TEAD4: variants seen among roughly 807,000 people sequenced by gnomAD.
TEAD4 encodes transcriptional enhancer factor TEF-3.
Under a neutral mutation model 52.4 loss-of-function variants are expected in TEAD4, and 36 were observed. The ratio of observed to expected loss-of-function variants is 0.69; its 90% CI spans 0.53 to 0.91. The LOEUF (loss-of-function observed/expected upper bound fraction) is 0.91, where lower values mean the gene tolerates loss of function less well. TEAD4 is among the 40% of genes least tolerant of loss of function. TEAD4 has a pLI of 0.00. For missense variants in TEAD4, 508 were observed against 583.9 expected (o/e 0.87, Z 1.34); for synonymous variants, 220 against 231.0 (o/e 0.95, Z 0.43).
chr12:2,967,096 C>T (rs539251740), intron 2 of TEAD4, among the ~76,000 whole-genome samples: 26 of 152,140 alleles, frequency 1.7e-4, no homozygotes, highest in African/African-American at 6.0e-4. Flanking sequence ...GGAATGCTGC[C>T]ATTAAGTAGA....
chr12:2,964,516 G>A (rs1846237363), intron 2 of TEAD4, among the ~76,000 whole-genome samples: 1 of 150,728 alleles, frequency 6.6e-6, no homozygotes, highest in South Asian at 2.1e-4. Flanking sequence ...GGAGTGCAGT[G>A]CTGCAATCTT....
chr12:2,971,382 G>T (rs2098224838), intron 2 of TEAD4, among the ~76,000 whole-genome samples: 1 of 152,140 alleles, frequency 6.6e-6, no homozygotes, highest in Non-Finnish European at 1.5e-5. Context: ...GAGAAAATGT[G>T]ATTTGAGGGC....
intron 10 of TEAD4, among the ~76,000 whole-genome samples, chr12:3,029,442 G>A (rs1220093447): frequency 1.3e-5 from 2 of 152,010 alleles, no homozygotes; most frequent in African/African-American, 4.8e-5. Context: ...GTTTCACTGT[G>A]TTAGCCAGGA....
At chr12:2,986,604 C>T (rs1284081413) in intron 2 of TEAD4, among the ~76,000 whole-genome samples, 6 of 150,930 alleles carry the variant, frequency 4.0e-5, no homozygotes, top group Non-Finnish European at 2.9e-5. Flanking sequence ...TGCACCACTG[C>T]ACTCCAGCCT....
chr12:2,980,427 G>T (rs2098233175), intron 2 of TEAD4, among the ~76,000 whole-genome samples: 1 of 152,082 alleles, frequency 6.6e-6, no homozygotes, highest in African/African-American at 2.4e-5. Flanking sequence ...CCTTCCTATT[G>T]TCAACAGAAG....
intron 10 of TEAD4, among the ~76,000 whole-genome samples, chr12:3,037,244 C>T (rs1461390587): frequency 6.6e-6 from 1 of 152,120 alleles, no homozygotes; most frequent in Non-Finnish European, 1.5e-5. Flanking sequence ...CTCAATGAGA[C>T]GGTGAAGTGA....
chr12:3,035,406 C>T (rs149084558), intron 10 of TEAD4, among the ~76,000 whole-genome samples: 1 of 152,184 alleles, frequency 6.6e-6, no homozygotes, highest in Non-Finnish European at 1.5e-5. Flanking sequence ...AGGCATTGTT[C>T]ACATTTTTGC....
intron 10 of TEAD4, among the ~76,000 whole-genome samples, chr12:3,029,969 G>C (rs969667878): frequency 3.3e-5 from 5 of 152,018 alleles, no homozygotes; most frequent in Non-Finnish European, 5.9e-5. Context: ...TAATTTCCCT[G>C]GAAGGGACAT....
chr12:2,971,222 G>T (rs566057805), intron 2 of TEAD4, among the ~76,000 whole-genome samples: 25 of 152,320 alleles, frequency 1.6e-4, no homozygotes, highest in African/African-American at 5.8e-4. Context: ...CTGTGGCAGT[G>T]CCTGGTAAAG....
chr12:2,972,491 C>CA (rs1555119890), intron 2 of TEAD4, among the ~76,000 whole-genome samples: 6 of 34,750 alleles, frequency 1.7e-4, no homozygotes, highest in Non-Finnish European at 2.9e-4. Flanking sequence ...CAGCATGTCT[C>CA]TTTTTTTTTT....
chr12:2,972,075 A>G (rs1441949100), intron 2 of TEAD4, among the ~76,000 whole-genome samples: 2 of 148,580 alleles, frequency 1.3e-5, no homozygotes, highest in Non-Finnish European at 3.0e-5. Flanking sequence ...AGCCTCCCAA[A>G]GTGCTGGGAT....
chr12:3,021,725 T>C (rs1591592794), intron 9 of TEAD4, 119 bp from the exon 10 acceptor site: 1 of 987,456 alleles, frequency 1.0e-6, no homozygotes, highest in Non-Finnish European at 1.5e-6. Context: ...ATGGGGAAAC[T>C]ATGGCCCAGA....
At chr12:3,038,751 G>T (rs562186915) in intron 11 of TEAD4, among the ~76,000 whole-genome samples, 3 of 152,294 alleles carry the variant, frequency 2.0e-5, no homozygotes, top group South Asian at 2.1e-4. Flanking sequence ...GTGCGTGTCT[G>T]GGGGGTTGTG....
At chr12:3,034,285 G>A (rs118157965) in intron 10 of TEAD4, among the ~76,000 whole-genome samples, 3,086 of 152,228 alleles carry the variant, frequency 0.02, 49 homozygotes, top group Middle Eastern at 0.058. Context: ...GGGTGAGCAG[G>A]ACAGGGTAGG....
At chr12:2,984,537 A>G (rs1482919432) in intron 2 of TEAD4, among the ~76,000 whole-genome samples, 1 of 152,168 alleles carries the variant, frequency 6.6e-6, no homozygotes, top group African/African-American at 2.4e-5. Flanking sequence ...TGCTTCACGA[A>G]GGGGATGCCT....
chr12:3,036,008 C>T (rs1482681232), intron 10 of TEAD4, among the ~76,000 whole-genome samples: 1 of 151,984 alleles, frequency 6.6e-6, no homozygotes, highest in African/African-American at 2.4e-5. Context: ...ATGTGTCATC[C>T]CCTCCCTCCC....
At chr12:3,017,117 GC>G (rs1365923967) in intron 5 of TEAD4, 6 of 575,444 alleles carry the variant, frequency 1.0e-5, no homozygotes, top group Admixed American at 2.2e-5. Context: ...ATAGAAGGTG[GC>G]CCCGTAATTA....
chr12:3,032,182 T>G (rs1253886279), intron 10 of TEAD4, among the ~76,000 whole-genome samples: 2 of 152,224 alleles, frequency 1.3e-5, no homozygotes, highest in Non-Finnish European at 2.9e-5. Context: ...AACTTGGTAG[T>G]GGCCTGTGTC....
intron 2 of TEAD4, among the ~76,000 whole-genome samples, chr12:2,984,236 T>C (rs2153954141): frequency 6.6e-6 from 1 of 152,262 alleles, no homozygotes; most frequent in South Asian, 2.1e-4. Flanking sequence ...AATCCCATCA[T>C]GGAGTGTGTA....
Sources: gnomAD v4.1 joint callset for allele counts (sites outside exome capture counted in the v4.1 genomes callset) on GRCh38, gnomAD v4.1.1 for gene constraint, MANE v1.5 for transcripts, NCBI Gene and HGNC (gene_info 2026-07-23, HGNC 2026-07-21) for gene names.